The following ZNF460 variants were observed in gnomAD, a reference collection of about 807,000 sequenced individuals.
ZNF460 encodes the protein zinc finger protein 460.
ZNF460 carries 1 observed loss-of-function variant against 8.4 expected under a neutral mutation model. The observed-to-expected ratio is 0.12, with a 90% CI of 0.04 to 0.56. ZNF460 has a LOEUF of 0.56. Among genes scored for constraint, ZNF460 ranks in the 20% least tolerant of loss-of-function variants. The probability of loss-of-function intolerance (pLI) is 0.91; values close to 1 mark genes in which losing one functional copy is unlikely to be tolerated. For missense variants in ZNF460, 477 were observed against 714.8 expected (o/e 0.67, Z 3.79); for synonymous variants, 262 against 259.9 (o/e 1.01, Z -0.08).
At chr19:57,288,991 G>A (rs2087897707) in intron 2 of ZNF460, among the ~76,000 whole-genome samples, 1 of 149,606 alleles carries the variant, frequency 6.7e-6, no homozygotes, top group Non-Finnish European at 1.5e-5. Flanking sequence ...ATTACAGGCA[G>A]TACCTTTCAG....
Position 57,292,355 on chromosome 19 carries a change from C to A in ZNF460, c.*125C>A. 1 of 1,002,612 alleles carries A rather than the reference C, an allele frequency of 1.0e-6. No individual in the cohort carries two copies. The highest frequency in any genetic ancestry group is 1.5e-6 in the Non-Finnish European group (1 of 681,344). 62.1% of individuals were successfully genotyped at this position (1,002,612 alleles called of 1,614,324 possible). A position where few individuals can be genotyped will look rare whatever the true frequency, so the allele number is the denominator to read the frequency against. On this transcript the variant is annotated 3_prime_UTR_variant, in exon 3 of 3. Coordinates refer to ENST00000360338, the MANE Select transcript of ZNF460 (RefSeq NM_006635.4). Reference sequence around the variant, plus strand: ...GAGAGGAAACATCTTACCATCTGGTCATTCATACTGAAGAGAAACTCCATA... The same window carrying A: ...GAGAGGAAACATCTTACCATCTGGTAATTCATACTGAAGAGAAACTCCATA...
Position 57,292,288 on chromosome 19 carries a change from C to G in ZNF460, c.*58C>G, listed in dbSNP as rs112083299. 5 of 1,508,164 alleles carry G rather than the reference C, an allele frequency of 3.3e-6. No homozygotes were observed. Among genetic ancestry groups the G allele is most frequent in the Non-Finnish European group, 2.7e-6 (3 of 1,121,086 alleles). The allele number at this position is 1,508,164 out of a possible 1,614,324, so 93.4% of individuals were successfully genotyped here. A position where few individuals can be genotyped will look rare whatever the true frequency, so the allele number is the denominator to read the frequency against. On this transcript the variant is annotated 3_prime_UTR_variant, in exon 3 of 3. Coordinates refer to ENST00000360338, the MANE Select transcript of ZNF460 (RefSeq NM_006635.4). ...GTCAACATCCAAGAATTCCTATTAG[C>G]GAAATAGTTTTTTAATATAACCACT...
At chr19:57,290,122 A>G (rs2087905994) in intron 2 of ZNF460, among the ~76,000 whole-genome samples, 1 of 151,156 alleles carries the variant, frequency 6.6e-6, no homozygotes, top group Non-Finnish European at 1.5e-5. Flanking sequence ...CCTAGGCAAC[A>G]GAGTGAAATT....
intron 2 of ZNF460, among the ~76,000 whole-genome samples, chr19:57,289,647 G>T (rs1172676600): frequency 6.6e-6 from 1 of 151,988 alleles, no homozygotes. Context: ...TGTGAGTGGG[G>T]ATCTCTATTC....
rs1264478457 is a variant in ZNF460, at chr19:57,290,959, A to T, written c.418A>T (p.Ile140Leu). 6.2e-7 allele frequency: 1 copy of T among 1,614,232 alleles called. No individual in the cohort carries two copies. The highest frequency in any genetic ancestry group is 8.5e-7 in the Non-Finnish European group (1 of 1,180,052). The change falls in exon 3 of 3, where the codon ATA becomes TTA. Residue 140 changes from isoleucine to leucine, a missense_variant. This residue lies in a region of ZNF460 where 169 missense variants were observed against 178.6 expected (regional missense o/e 0.95). Transcript: ENST00000360338. ...AGCTGATGGTATTTGTTCAATGATG[A>T]TACAGAACCAAGTCTCACCAGAAGA... ...ATADGICSMM[I>L]QNQVSPEDAL... is the part of the protein sequence containing the mutation.
chr19:57,292,082 G>A lies in ZNF460; in HGVS notation c.1541G>A (p.Cys514Tyr). 6.2e-7 allele frequency: 1 copy of A among 1,614,190 alleles called. No individual in the cohort carries two copies. Among genetic ancestry groups the A allele is most frequent in the Non-Finnish European group, 8.5e-7 (1 of 1,180,036 alleles). Residue 514 changes from cysteine to tyrosine, a missense_variant, in exon 3 of 3, where the codon TGT (cysteine) becomes TAT (tyrosine). Around this residue, in one of 5 missense-constraint regions of ZNF460, gnomAD observed 83 missense variants for 82.3 expected, o/e 1.01. Transcript: ENST00000360338. Reference sequence around the variant, plus strand: ...CCCATCCAGAGTGGGAACGTTTCTTGTGAGAGCACAGATCTCATTCAACAC... The same window carrying A: ...CCCATCCAGAGTGGGAACGTTTCTTATGAGAGCACAGATCTCATTCAACAC... ...HEPIQSGNVS[C>Y]ESTDLIQHSI... is the part of the protein sequence containing the mutation.
chr19:57,283,681 T>TA (rs2087858721), intron 1 of ZNF460, among the ~76,000 whole-genome samples: 1 of 151,670 alleles, frequency 6.6e-6, no homozygotes, highest in African/African-American at 2.4e-5. Flanking sequence ...TTTGTATTTT[T>TA]AGTAGAGATG....
At chr19:57,288,329 A>G (rs2087893631) in intron 2 of ZNF460, among the ~76,000 whole-genome samples, 1 of 152,138 alleles carries the variant, frequency 6.6e-6, no homozygotes, top group African/African-American at 2.4e-5. Flanking sequence ...AGTAGCTGGA[A>G]CTACAGGCTC....
chr19:57,280,912 C>T (rs1600019696), intron 1 of ZNF460, 76 bp downstream of exon 1: 2 of 1,588,192 alleles, frequency 1.3e-6, no homozygotes, highest in East Asian at 2.3e-5. Flanking sequence ...GAAGCCAAGA[C>T]AGCCACAGGA....
intron 2 of ZNF460, among the ~76,000 whole-genome samples, chr19:57,286,783 G>A (rs973457314): frequency 6.6e-6 from 1 of 151,642 alleles, no homozygotes; most frequent in Admixed American, 6.6e-5. Flanking sequence ...CCAACATGGC[G>A]AAACCCCGTC....
At chr19:57,290,149 A>G (rs2087906239) in intron 2 of ZNF460, among the ~76,000 whole-genome samples, 1 of 150,914 alleles carries the variant, frequency 6.6e-6, no homozygotes, top group South Asian at 2.1e-4. Flanking sequence ...AAAAAAAAAT[A>G]AACAAAAAAA....
At chr19:57,281,296 G>A (rs1192096259) in intron 1 of ZNF460, among the ~76,000 whole-genome samples, 5 of 152,046 alleles carry the variant, frequency 3.3e-5, no homozygotes, top group Admixed American at 2.0e-4. Flanking sequence ...CATCCTTTTG[G>A]CATCTGTCCA....
chr19:57,284,461 CTG>C lies in ZNF460; in HGVS notation c.31-87_31-86del, dbSNP rs1448741326. The C allele has an allele frequency of 1.1e-5, 17 of 1,502,178 alleles. No individual in the cohort carries two copies. In the South Asian group the frequency reaches 2.0e-4, roughly 17 times the overall value. 93.1% of individuals were successfully genotyped at this position (1,502,178 alleles called of 1,614,324 possible). A position where few individuals can be genotyped will look rare whatever the true frequency, so the allele number is the denominator to read the frequency against. On this transcript the variant is annotated intron_variant, in intron 1 of 2. Coordinates refer to ENST00000360338, the MANE Select transcript of ZNF460 (RefSeq NM_006635.4). ...GCTTGGTGATTTGGCCTTTGATTCT[CTG>C]TGCATCTTTTGCAGTGCTGGAGTGA...
chr19:57,282,107 G>T (rs1256170477), intron 1 of ZNF460: 1 of 152,194 alleles, frequency 6.6e-6, no homozygotes, highest in Non-Finnish European at 1.5e-5. Context: ...AGGAGTCATG[G>T]CCTTTCATAC....
chr19:57,291,074 A>G lies in ZNF460; in HGVS notation c.533A>G (p.Asn178Ser). Residue 178 changes from asparagine to serine, a missense_variant, in exon 3 of 3, where the codon AAT becomes AGT. This residue lies in a region of ZNF460 where 169 missense variants were observed against 178.6 expected (regional missense o/e 0.95). Transcript: ENST00000360338. The surrounding 1 kb of genome is among the most constrained non-coding windows in gnomAD (Gnocchi z 8.4). ...TCCTATAAATTCGAGGAAATGTTTAATGAGAATTGCTTCCTTGTTCAGCAT... is the reference window on the plus strand; with the variant it reads ...TCCTATAAATTCGAGGAAATGTTTAGTGAGAATTGCTTCCTTGTTCAGCAT... Reference protein sequence around the residue: ...ENSYKFEEMFNENCFLVQHEQ... With the variant: ...ENSYKFEEMFSENCFLVQHEQ... 6.2e-7 allele frequency: 1 copy of G among 1,614,234 alleles called. No individual in the cohort carries two copies. Among genetic ancestry groups the G allele is most frequent in the Non-Finnish European group, 8.5e-7 (1 of 1,180,040 alleles).
intron 2 of ZNF460, among the ~76,000 whole-genome samples, chr19:57,288,344 T>G (rs1385026232): frequency 6.6e-6 from 1 of 152,288 alleles, no homozygotes; most frequent in Admixed American, 6.5e-5. Context: ...AGGCTCATGC[T>G]ACAACGTCCG....
rs2087916462 is a variant in ZNF460, at chr19:57,291,339, C to T, written c.798C>T (p.His266=). 1.9e-6 allele frequency: 3 copies of T among 1,613,892 alleles called. No individual in the cohort carries two copies. The highest frequency in any genetic ancestry group is 2.5e-6 in the Non-Finnish European group (3 of 1,179,982). ...GAAGGACCTTCAATCGCGGGTCGCACCTTACACGGCACCAGCGGGTTCACA... is the reference window on the plus strand; with the variant it reads ...GAAGGACCTTCAATCGCGGGTCGCATCTTACACGGCACCAGCGGGTTCACA... ...ECGRTFNRGS[H]LTRHQRVHSG... The change falls in exon 3 of 3, where the codon CAC becomes CAT. Residue 266 remains histidine, a synonymous_variant. Coordinates refer to ENST00000360338, the MANE Select transcript of ZNF460 (RefSeq NM_006635.4). The surrounding 1 kb of genome is among the most constrained non-coding windows in gnomAD (Gnocchi z 8.4).
chr19:57,289,906 C>T (rs780840487), intron 2 of ZNF460, among the ~76,000 whole-genome samples: 7 of 151,678 alleles, frequency 4.6e-5, no homozygotes, highest in Non-Finnish European at 7.4e-5. Context: ...TTTGGAAGGC[C>T]GAGGCAGGCA....
chr19:57,292,294 A>T lies in ZNF460; in HGVS notation c.*64A>T, dbSNP rs902204594. On this transcript the variant is annotated 3_prime_UTR_variant, in exon 3 of 3. Coordinates refer to ENST00000360338, the MANE Select transcript of ZNF460 (RefSeq NM_006635.4). ...ATCCAAGAATTCCTATTAGCGAAAT[A>T]GTTTTTTAATATAACCACTGAAGAA... 5.3e-6 allele frequency: 8 copies of T among 1,495,900 alleles called. No individual in the cohort carries two copies. The highest frequency in any genetic ancestry group is 2.8e-5 in the African/African-American group (2 of 71,768). The allele number at this position is 1,495,900 out of a possible 1,614,324, so 92.7% of individuals were successfully genotyped here.
Sources: gnomAD v4.1 joint callset for allele counts (sites outside exome capture counted in the v4.1 genomes callset) on GRCh38, gnomAD v4.1.1 for gene constraint, gnomAD v4.1.1 regional missense constraint, Gnocchi (gnomAD v3.1) non-coding constraint, MANE v1.5 for transcripts, NCBI Gene and HGNC (gene_info 2026-07-23, HGNC 2026-07-21) for gene names.